Variants in PIEZO2 observed in about 807,000 individuals in gnomAD.
PIEZO2 encodes piezo-type mechanosensitive ion channel component 2.
PIEZO2 carries 172 observed loss-of-function variants against 337.3 expected under a neutral mutation model. That is an observed-to-expected ratio of 0.51 (90% CI 0.45 to 0.58). The LOEUF is 0.58. Among genes scored for constraint, PIEZO2 ranks in the 20% least tolerant of loss-of-function variants. PIEZO2 has a pLI of 0.00. For synonymous variants in PIEZO2, 1,251 were observed against 1,228.5 expected (o/e 1.02, Z -0.38); for missense variants, 3,028 against 3,391.3 (o/e 0.89, Z 2.66).
chr18:10,792,112 A>G (rs1225265278), intron 13 of PIEZO2, among the ~76,000 whole-genome samples: 1 of 152,124 alleles, frequency 6.6e-6, no homozygotes, highest in Non-Finnish European at 1.5e-5. Flanking sequence ...ACACCCGGCT[A>G]GTTTTTGTAT....
intron 2 of PIEZO2, among the ~76,000 whole-genome samples, chr18:11,034,973 C>T (rs1360547149): frequency 6.6e-6 from 1 of 152,218 alleles, no homozygotes; most frequent in East Asian, 1.9e-4. Context: ...GGTTCCTTTT[C>T]CACCAACGTT....
At chr18:10,930,872 T>A (rs2032039245) in intron 3 of PIEZO2, among the ~76,000 whole-genome samples, 1 of 152,210 alleles carries the variant, frequency 6.6e-6, no homozygotes, top group African/African-American at 2.4e-5. Context: ...GTAACCGATG[T>A]CTCTATAGGT....
chr18:11,022,947 G>C (rs1435319705), intron 2 of PIEZO2, among the ~76,000 whole-genome samples: 1 of 152,072 alleles, frequency 6.6e-6, no homozygotes, highest in East Asian at 1.9e-4. Context: ...TGGCTCAGGA[G>C]TGAAGCTGCG....
At chr18:10,705,256 T>A in intron 41 of PIEZO2, 80 bp downstream of exon 41, 1 of 1,416,322 alleles carries the variant, frequency 7.1e-7, no homozygotes, top group Non-Finnish European at 9.3e-7. Flanking sequence ...ATATATGAAT[T>A]TTTCTGTATA....
At chr18:10,732,671 A>G (rs1211504835) in intron 35 of PIEZO2, among the ~76,000 whole-genome samples, 10 of 152,206 alleles carry the variant, frequency 6.6e-5, no homozygotes, top group Admixed American at 5.2e-4. Context: ...AAATTATTCT[A>G]TTTTATGCCA....
chr18:10,921,236 G>A (rs1359760016), intron 3 of PIEZO2, among the ~76,000 whole-genome samples: 1 of 152,126 alleles, frequency 6.6e-6, no homozygotes, highest in East Asian at 1.9e-4. Flanking sequence ...GGAGCAGTGA[G>A]TTGTAAACTA....
intron 3 of PIEZO2, among the ~76,000 whole-genome samples, chr18:10,927,697 C>T (rs970786360): frequency 6.6e-6 from 1 of 151,956 alleles, no homozygotes; most frequent in Non-Finnish European, 1.5e-5. Context: ...GGTATTTAAT[C>T]GTACCTAAAA....
rs1567991996 is a variant in PIEZO2 at position 10,727,968 on chromosome 18, GA to G, written c.5029+3438del. The G allele has an allele frequency of 6.7e-6, 1 of 148,528 alleles. No individual in the cohort carries two copies. The highest frequency in any genetic ancestry group is 2.5e-5 in the African/African-American group (1 of 39,708). 9.2% of individuals were successfully genotyped at this position (148,528 alleles called of 1,614,324 possible). On this transcript the variant is annotated intron_variant, in intron 36 of 55. Coordinates refer to ENST00000674853, the MANE Select transcript of PIEZO2 (RefSeq NM_001378183.1). This position sits in a 1 kb window ranked among gnomAD's most constrained non-coding sequence, Gnocchi z 6.3. ...AAACAGTAATAACAAAAAAAAAAAA[GA>G]AAAAAGAAAAAAAGGGATAAGAAGC...
chr18:10,779,693 A>G (rs2038911522), intron 18 of PIEZO2, among the ~76,000 whole-genome samples: 1 of 152,176 alleles, frequency 6.6e-6, no homozygotes, highest in African/African-American at 2.4e-5. Flanking sequence ...TATTGTGACT[A>G]CTTTCTTTTC....
rs956761819 is a variant in PIEZO2 at position 10,776,719 on chromosome 18, C to A, written c.2535-2681G>T. 3.9e-5 allele frequency among the ~76,000 whole-genome samples: 6 copies of A among 152,172 alleles called. No individual in the cohort carries two copies. In the East Asian group the frequency reaches 1.2e-3, roughly 29 times the overall value. On this transcript the variant is annotated intron_variant, in intron 18 of 55. Coordinates refer to ENST00000674853, the MANE Select transcript of PIEZO2 (RefSeq NM_001378183.1). Reference sequence around the variant, plus strand: ...CGGCAGAGGTGGTTCTGCACAAATGCAAGCTTTCGAGGCAGACCCAGCTGC... The same window carrying A: ...CGGCAGAGGTGGTTCTGCACAAATGAAAGCTTTCGAGGCAGACCCAGCTGC...
At chr18:10,800,783 T>G (rs2039785556) in intron 10 of PIEZO2, among the ~76,000 whole-genome samples, 1 of 151,420 alleles carries the variant, frequency 6.6e-6, no homozygotes, top group Non-Finnish European at 1.5e-5. Flanking sequence ...GAAGGAGGCC[T>G]TCAAGATTTG....
rs2144833689 is a variant in PIEZO2, at chr18:10,878,787, A to G, written c.330-7372T>C. 6.6e-6 allele frequency among the ~76,000 whole-genome samples: 1 copy of G among 152,158 alleles called. No individual in the cohort carries two copies. The highest frequency in any genetic ancestry group is 1.9e-4 in the East Asian group (1 of 5,182). ...ATACAAAGCTTGGATGTTTTGAAAA[A>G]AAAAAAAAATCACATAACCAGAACT... is the stretch of plus-strand genomic sequence containing the variant. On this transcript the variant is annotated intron_variant, in intron 4 of 55. Coordinates refer to ENST00000674853, the MANE Select transcript of PIEZO2 (RefSeq NM_001378183.1). This position sits in a 1 kb window ranked among gnomAD's most constrained non-coding sequence, Gnocchi z 4.3.
chr18:10,671,823 T>G (rs1395733011), intron 55 of PIEZO2, 44 bp from the exon 56 acceptor site: 2 of 1,474,644 alleles, frequency 1.4e-6, no homozygotes, highest in Non-Finnish European at 1.8e-6. Flanking sequence ...CAGTTAAATA[T>G]AGTTAATAAA....
Position 11,097,962 on chromosome 18 carries a change from A to G in PIEZO2, c.65-31740T>C, listed in dbSNP as rs539147149. Reference sequence around the variant, plus strand: ...TGATTTTGAAGATTGGAATATACTCATCTTTAAAAATGAATTAATAATAAA... The same window carrying G: ...TGATTTTGAAGATTGGAATATACTCGTCTTTAAAAATGAATTAATAATAAA... On this transcript the variant is annotated intron_variant, in intron 1 of 55. Coordinates refer to ENST00000674853, the MANE Select transcript of PIEZO2 (RefSeq NM_001378183.1). This position sits in a 1 kb window ranked among gnomAD's most constrained non-coding sequence, Gnocchi z 5.0. Among the ~76,000 whole-genome samples, 19 of 152,176 alleles carry G rather than the reference A, an allele frequency of 1.2e-4. No homozygotes were observed. The highest frequency in any genetic ancestry group is 2.1e-4 in the Non-Finnish European group (14 of 68,032).
At chr18:10,678,565 G>A (rs1427967823) in intron 52 of PIEZO2, among the ~76,000 whole-genome samples, 4 of 152,152 alleles carry the variant, frequency 2.6e-5, no homozygotes, top group African/African-American at 4.8e-5. Flanking sequence ...CCTACTGCTT[G>A]TGTGCCCAAA....
intron 3 of PIEZO2, among the ~76,000 whole-genome samples, chr18:10,923,792 G>C (rs1002642399): frequency 6.8e-6 from 1 of 146,960 alleles, no homozygotes; most frequent in Non-Finnish European, 1.5e-5. Flanking sequence ...CAGGGCAGAT[G>C]GCAATGATTC....
At chr18:10,965,815 T>G (rs1009655458) in intron 3 of PIEZO2, among the ~76,000 whole-genome samples, 15 of 152,284 alleles carry the variant, frequency 9.9e-5, no homozygotes, top group Admixed American at 3.3e-4. Flanking sequence ...TATGTAGAAA[T>G]GTAGAAACAT....
chr18:10,691,031 C>G (rs938673269), intron 48 of PIEZO2, among the ~76,000 whole-genome samples, 194 bp downstream of exon 48: 6 of 152,214 alleles, frequency 3.9e-5, no homozygotes, highest in Non-Finnish European at 7.3e-5. Context: ...AGCACCTGGA[C>G]AGGCTTGTGG....
chr18:10,765,867 G>A (rs959986176), intron 21 of PIEZO2, among the ~76,000 whole-genome samples: 2 of 152,098 alleles, frequency 1.3e-5, no homozygotes, highest in African/African-American at 4.8e-5. Flanking sequence ...CAATGAGACA[G>A]GAAGGGCCTG....
Sources: allele counts gnomAD v4.1 joint callset (sites outside exome capture counted in the v4.1 genomes callset), GRCh38; gene constraint gnomAD v4.1.1; non-coding constraint Gnocchi (gnomAD v3.1); transcripts MANE v1.5; gene names NCBI Gene and HGNC (gene_info 2026-07-23, HGNC 2026-07-21).